The following COL4A4 variants were observed in gnomAD, a reference collection of about 807,000 sequenced individuals.
COL4A4 encodes the protein collagen type IV alpha 4 chain.
Under a neutral mutation model 192.9 loss-of-function variants are expected in COL4A4, and 105 were observed. The ratio of observed to expected loss-of-function variants is 0.54; its 90% CI spans 0.46 to 0.64. The LOEUF (loss-of-function observed/expected upper bound fraction) is 0.64. Among genes scored for constraint, COL4A4 ranks in the 30% least tolerant of loss-of-function variants. The probability of loss-of-function intolerance (pLI) is 0.00; values close to 1 mark genes in which losing one functional copy is unlikely to be tolerated. For synonymous variants in COL4A4, 762 were observed against 769.9 expected, an observed-to-expected ratio of 0.99 and a Z score of 0.17; for missense variants, 1,967 against 2,169.3, an observed-to-expected ratio of 0.91 and a Z score of 1.85.
Position 227,032,227 on chromosome 2 carries a change from T to A in COL4A4, c.3627A>T (p.Lys1209Asn). 2 of 1,614,042 alleles carry A rather than the reference T, an allele frequency of 1.2e-6. No individual in the cohort carries two copies. The highest frequency in any genetic ancestry group is 1.7e-6 in the Non-Finnish European group (2 of 1,179,918). Residue 1209 changes from lysine (K) to asparagine (N), a missense_variant, in exon 39 of 48, where the codon AAA becomes AAT. Coordinates refer to ENST00000396625, the MANE Select transcript of COL4A4 (RefSeq NM_000092.5). Reference protein sequence around the residue: ...PPGPVGIPGLKGERGDPGSPG... With the variant: ...PPGPVGIPGLNGERGDPGSPG... ...GGCTCCCAGGGTCTCCTCTCTCCCC[T>A]TTTAGCCCAGGTATTCCCACTGGAC... is the stretch of plus-strand genomic sequence containing the variant.
chr2:227,045,201 TATTTTC>T (rs1972195500), intron 35 of COL4A4, among the ~76,000 whole-genome samples: 1 of 152,164 alleles, frequency 6.6e-6, no homozygotes, highest in Non-Finnish European at 1.5e-5. Flanking sequence ...TTTGTATAGT[TATTTTC>T]AGTTTCAGTT....
chr2:227,041,805 G>GA (rs1491303752), intron 37 of COL4A4, among the ~76,000 whole-genome samples: 2 of 39,406 alleles, frequency 5.1e-5, no homozygotes, highest in South Asian at 1.2e-3. Context: ...AGAAAGAAAG[G>GA]AAGAAAGAAA....
At chr2:227,119,843 A>T (rs2061684195) in intron 6 of COL4A4, 52 bp downstream of exon 6, 2 of 1,300,286 alleles carry the variant, frequency 1.5e-6, no homozygotes, top group Non-Finnish European at 2.2e-6. Flanking sequence ...AAGGATTTTG[A>T]TGAGTACTTC....
rs528135109 is a variant in COL4A4 at position 227,123,524 on chromosome 2, A to C, written c.193-2376T>G. On this transcript the variant is annotated intron_variant, in intron 4 of 47. Transcript: ENST00000396625. This position sits in a 1 kb window ranked among gnomAD's most constrained non-coding sequence, Gnocchi z 4.6. ...GCCAAGAAAGGGGCAGTTTCAGGTC[A>C]GTTATACTGTGGGCACCTGGGACTT... Among the ~76,000 whole-genome samples the C allele has an allele frequency of 6.6e-6, 1 of 152,316 alleles. No individual in the cohort carries two copies. Among genetic ancestry groups the C allele is most frequent in the East Asian group, 1.9e-4 (1 of 5,182 alleles).
chr2:227,009,249 G>C (rs1029939303), intron 46 of COL4A4, among the ~76,000 whole-genome samples: 7 of 152,172 alleles, frequency 4.6e-5, no homozygotes, highest in Non-Finnish European at 4.4e-5. Context: ...TGCCTAGTGA[G>C]AGCAATGGCA....
intron 31 of COL4A4, among the ~76,000 whole-genome samples, 197 bp from the exon 32 acceptor site, chr2:227,052,609 TG>T (rs1041164881): frequency 2.5e-4 from 38 of 152,314 alleles, no homozygotes; most frequent in African/African-American, 9.1e-4. Flanking sequence ...TGACCCCATT[TG>T]TCCAGCCACA....
the COL4A4 span, among the ~76,000 whole-genome samples, chr2:226,976,303 A>C: frequency 6.8e-6 from 1 of 147,438 alleles, no homozygotes; most frequent in Admixed American, 6.9e-5. Context: ...CCCCCTGGAG[A>C]CACCACTAGA....
At chr2:227,141,034 A>T (rs887739947) in intron 3 of COL4A4, among the ~76,000 whole-genome samples, 1 of 152,150 alleles carries the variant, frequency 6.6e-6, no homozygotes, top group Non-Finnish European at 1.5e-5. Flanking sequence ...CCATAGGCAG[A>T]TCCCTTAACA....
At chr2:227,119,163 A>G (rs2061645452) in intron 6 of COL4A4, among the ~76,000 whole-genome samples, 1 of 152,156 alleles carries the variant, frequency 6.6e-6, no homozygotes, top group African/African-American at 2.4e-5. Context: ...GTATGCATTA[A>G]TTTCAAGAAC....
At chr2:227,090,772 T>C (rs146661380) in intron 20 of COL4A4, among the ~76,000 whole-genome samples, 4 of 132,724 alleles carry the variant, frequency 3.0e-5, no homozygotes, top group African/African-American at 1.1e-4. Flanking sequence ...AATAAGTAAA[T>C]AAATAAAATA....
the COL4A4 span, among the ~76,000 whole-genome samples, chr2:226,980,207 T>A: frequency 6.6e-6 from 1 of 152,148 alleles, no homozygotes. Context: ...ATAAGAAAAT[T>A]GAGGATCAGT....
chr2:227,120,969 G>A, intron 5 of COL4A4, 45 bp downstream of exon 5: 1 of 1,612,764 alleles, frequency 6.2e-7, no homozygotes, highest in Non-Finnish European at 8.5e-7. Context: ...GTGCAGTAGT[G>A]CTGGTGAGTC....
At chr2:226,968,285 A>C in the COL4A4 span, among the ~76,000 whole-genome samples, 1 of 152,204 alleles carries the variant, frequency 6.6e-6, no homozygotes, top group East Asian at 1.9e-4. Context: ...CTATTATTGC[A>C]AGGAAGTGCC....
intron 25 of COL4A4, among the ~76,000 whole-genome samples, chr2:227,069,948 G>T (rs1365061578): frequency 6.6e-6 from 1 of 151,178 alleles, no homozygotes; most frequent in Non-Finnish European, 1.5e-5. Context: ...CAAAATGGGA[G>T]AAAATTTTCG....
chr2:227,036,409 C>A (rs879385025), intron 37 of COL4A4, among the ~76,000 whole-genome samples: 1 of 152,132 alleles, frequency 6.6e-6, no homozygotes, highest in African/African-American at 2.4e-5. Flanking sequence ...TGTTTGCCTG[C>A]GACTTCTTCC....
Position 227,047,472 on chromosome 2 carries a change from T to C in COL4A4, c.3289+3A>G. The C allele has an allele frequency of 1.2e-6, 2 of 1,610,428 alleles. No individual in the cohort carries two copies. The highest frequency in any genetic ancestry group is 1.7e-6 in the Non-Finnish European group (2 of 1,176,770). The stretch of plus-strand genomic sequence containing the variant: ...TTTTAGTAAGAAAAATATGCAGCTA[T>C]ACCTGGACATCCAGGGCTACCTGGC... On this transcript the variant is annotated splice_donor_region_variant and intron_variant, in intron 35 of 47. Transcript: ENST00000396625.
chr2:227,089,191 A>G (rs2059765813), intron 21 of COL4A4, among the ~76,000 whole-genome samples: 1 of 152,038 alleles, frequency 6.6e-6, no homozygotes, highest in Admixed American at 6.5e-5. Flanking sequence ...AAAAAAACTG[A>G]AAAAATTAAT....
rs1393074613 is a variant in COL4A4 at position 227,057,215 on chromosome 2, G to A, written c.2545+224C>T. ...TGGCTCAGGGCTCCTCTCATGTAAT[G>A]CAACCCACTGTGTGTGTGGCCAACT... On this transcript the variant is annotated intron_variant, in intron 29 of 47. Coordinates refer to ENST00000396625, the MANE Select transcript of COL4A4 (RefSeq NM_000092.5). Among the ~76,000 whole-genome samples the A allele has an allele frequency of 5.9e-5, 9 of 152,190 alleles. 1 individual carries two copies. The highest frequency in any genetic ancestry group is 2.4e-5 in the African/African-American group (1 of 41,456).
At chr2:227,144,999 T>C (rs1380957059) in intron 2 of COL4A4, among the ~76,000 whole-genome samples, 1 of 152,114 alleles carries the variant, frequency 6.6e-6, no homozygotes, top group Non-Finnish European at 1.5e-5. Flanking sequence ...GAAACCTAAC[T>C]GGACTGGGAG....
Sources: gnomAD v4.1 joint callset for allele counts (sites outside exome capture counted in the v4.1 genomes callset) on GRCh38, gnomAD v4.1.1 for gene constraint, Gnocchi (gnomAD v3.1) non-coding constraint, MANE v1.5 for transcripts, NCBI Gene and HGNC (gene_info 2026-07-23, HGNC 2026-07-21) for gene names.